Variants in PTPRM observed in about 807,000 individuals in gnomAD.
PTPRM encodes the protein receptor-type tyrosine-protein phosphatase mu.
PTPRM carries 47 observed loss-of-function variants against 186.7 expected under a neutral mutation model. The observed-to-expected ratio is 0.25, with a 90% CI of 0.20 to 0.32. The LOEUF is 0.32. Ranked by LOEUF, PTPRM falls within the 10% of genes least tolerant of loss-of-function variation. PTPRM has a pLI of 1.00. For synonymous variants in PTPRM, 668 were observed against 674.9 expected (o/e 0.99, Z 0.16); for missense variants, 1,494 against 1,865.0 (o/e 0.80, Z 3.66).
intron 2 of PTPRM, among the ~76,000 whole-genome samples, chr18:7,824,863 G>C (rs2045400859): frequency 6.6e-6 from 1 of 152,182 alleles, no homozygotes; most frequent in Non-Finnish European, 1.5e-5. Flanking sequence ...GGCTCTCTGG[G>C]CAGGCAGCGC....
At chr18:7,969,608 A>G (rs1167547890) in intron 7 of PTPRM, among the ~76,000 whole-genome samples, 4 of 139,840 alleles carry the variant, frequency 2.9e-5, no homozygotes, top group African/African-American at 8.4e-5. Flanking sequence ...AGACACAATA[A>G]AAAATGATAA....
chr18:8,253,134 G>A, intron 18 of PTPRM, 93 bp from the exon 19 acceptor site: 5 of 1,087,290 alleles, frequency 4.6e-6, no homozygotes, highest in African/African-American at 1.7e-5. Context: ...CCCTAGGTGA[G>A]GGGATGCCAG....
chr18:7,596,084 G>C (rs2037250473), intron 1 of PTPRM, among the ~76,000 whole-genome samples: 1 of 152,184 alleles, frequency 6.6e-6, no homozygotes, highest in Non-Finnish European at 1.5e-5. Context: ...TGAGGTTTCA[G>C]TTACCCACAA....
intron 1 of PTPRM, among the ~76,000 whole-genome samples, chr18:7,670,119 AAT>A (rs776051988): frequency 6.6e-6 from 1 of 152,182 alleles, no homozygotes; most frequent in East Asian, 1.9e-4. Context: ...TATTTAACTT[AAT>A]ATGTTTGTTA....
At chr18:8,143,497 A>T (rs1212544195) in intron 13 of PTPRM, 150 bp from the exon 14 acceptor site, 1 of 770,838 alleles carries the variant, frequency 1.3e-6, no homozygotes, top group Non-Finnish European at 2.1e-6. Flanking sequence ...TTCAGTGCAT[A>T]TGAAAGCTGT....
chr18:7,765,244 A>G (rs2041964477), intron 1 of PTPRM, among the ~76,000 whole-genome samples: 1 of 152,226 alleles, frequency 6.6e-6, no homozygotes, highest in Non-Finnish European at 1.5e-5. Flanking sequence ...TAGAAACTTC[A>G]AGAACAAGGC....
chr18:7,770,089 G>A (rs778135676), intron 1 of PTPRM, among the ~76,000 whole-genome samples: 3 of 152,188 alleles, frequency 2.0e-5, no homozygotes, highest in Non-Finnish European at 4.4e-5. Context: ...GCCAGTCCAG[G>A]TGTGACAGTT....
intron 1 of PTPRM, among the ~76,000 whole-genome samples, chr18:7,716,210 G>T (rs1458563959): frequency 6.6e-6 from 1 of 152,084 alleles, no homozygotes; most frequent in Non-Finnish European, 1.5e-5. Flanking sequence ...CACTCCACAC[G>T]TCTGCAACCA....
chr18:8,017,582 C>CAAAAAA lies in PTPRM; in HGVS notation c.1133-52085_1133-52080dup, dbSNP rs71354586. On this transcript the variant is annotated intron_variant, in intron 7 of 32. Coordinates refer to ENST00000580170, the MANE Select transcript of PTPRM (RefSeq NM_001105244.2). The stretch of plus-strand genomic sequence containing the variant: ...TGGGCAACAGAGTAAGACTCCTTCT[C>CAAAAAA]AAAAAAAAAAAAAAAAAAAAAAAAT... Among the ~76,000 whole-genome samples, 20 of 64,692 alleles carry CAAAAAA rather than the reference C, an allele frequency of 3.1e-4. 1 individual carries two copies. Among genetic ancestry groups the CAAAAAA allele is most frequent in the Middle Eastern group, 0.011 (1 of 88 alleles). The allele number at this position is 64,692 out of a possible 152,430, so 42.4% of individuals were successfully genotyped here. A position where few individuals can be genotyped will look rare whatever the true frequency, so the allele number is the denominator to read the frequency against.
chr18:8,113,753 C>A lies in PTPRM; in HGVS notation c.2124C>A (p.Ala708=), dbSNP rs1267301252. 6.2e-7 allele frequency: 1 copy of A among 1,612,624 alleles called. No homozygotes were observed. ...YRIYFQAASR[A]NGETKIDCVQ... Reference sequence around the variant, plus strand: ...TTTATTTCCAAGCTGCTAGTAGAGCCAATGGGGTAAGTTGTACAGATAACT... The same window carrying A: ...TTTATTTCCAAGCTGCTAGTAGAGCAAATGGGGTAAGTTGTACAGATAACT... The change falls in exon 12 of 33, where the codon GCC becomes GCA. Residue 708 remains alanine (A), a synonymous_variant. Transcript: ENST00000580170.
chr18:7,741,822 G>C (rs2040890028), intron 1 of PTPRM: 1 of 152,154 alleles, frequency 6.6e-6, no homozygotes, highest in Non-Finnish European at 1.5e-5. Flanking sequence ...GCAGATGCAG[G>C]GGAAATCAGC....
intron 1 of PTPRM, among the ~76,000 whole-genome samples, chr18:7,761,992 T>C (rs933473992): frequency 6.6e-6 from 1 of 152,164 alleles, no homozygotes; most frequent in African/African-American, 2.4e-5. Flanking sequence ...TTCTTACCTT[T>C]GTTACAAAAA....
intron 1 of PTPRM, among the ~76,000 whole-genome samples, chr18:7,679,980 C>G (rs552376531): frequency 6.6e-6 from 1 of 152,250 alleles, no homozygotes; most frequent in East Asian, 1.9e-4. Flanking sequence ...ATCCTCCCAC[C>G]TCAGTCTCCC....
At chr18:7,813,182 A>C (rs1450672177) in intron 2 of PTPRM, among the ~76,000 whole-genome samples, 1 of 152,260 alleles carries the variant, frequency 6.6e-6, no homozygotes, top group East Asian at 1.9e-4. Flanking sequence ...TACGAGGGAT[A>C]AATGAGTGAG....
intron 2 of PTPRM, among the ~76,000 whole-genome samples, chr18:7,856,173 TGGAAGA>T (rs2047084604): frequency 1.3e-5 from 2 of 152,144 alleles, no homozygotes; most frequent in South Asian, 4.1e-4. Flanking sequence ...TCCATGGGAA[TGGAAGA>T]GGCTTCTGAA....
chr18:8,309,486 G>T (rs1045817958), intron 20 of PTPRM, among the ~76,000 whole-genome samples: 3 of 152,174 alleles, frequency 2.0e-5, no homozygotes, highest in South Asian at 2.1e-4. Context: ...AGGAGGTGAA[G>T]ATGAATATAA....
At chr18:8,243,225 G>T (rs2094447915) in intron 14 of PTPRM, among the ~76,000 whole-genome samples, 1 of 152,106 alleles carries the variant, frequency 6.6e-6, no homozygotes. Context: ...GGATGCAGAG[G>T]CCAGGATTAA....
chr18:7,714,556 C>T (rs1390721245), intron 1 of PTPRM, among the ~76,000 whole-genome samples: 2 of 151,572 alleles, frequency 1.3e-5, no homozygotes, highest in South Asian at 2.1e-4. Context: ...GAAAAACCCT[C>T]GAAAAAAATA....
rs539093797 is a variant in PTPRM, at chr18:8,285,887, G to C, written c.2755-10481G>C. ...TGTACCTGTAGTCCTAGCTACTCAG[G>C]AGGCTGAGGCAGGAGGATCACTTGA... On this transcript the variant is annotated intron_variant, in intron 19 of 32. Transcript: ENST00000580170. 4.6e-5 allele frequency among the ~76,000 whole-genome samples: 7 copies of C among 152,250 alleles called. No individual in the cohort carries two copies. In the South Asian group the frequency reaches 1.2e-3, roughly 27 times the overall value.
Sources: allele counts gnomAD v4.1 joint callset (sites outside exome capture counted in the v4.1 genomes callset), GRCh38; gene constraint gnomAD v4.1.1; transcripts MANE v1.5; gene names NCBI Gene and HGNC (gene_info 2026-07-23, HGNC 2026-07-21).